Variants in GPC3 observed in about 807,000 individuals in gnomAD.
The protein encoded by GPC3 is glypican-3.
Under a neutral mutation model 34.4 loss-of-function variants are expected in GPC3, and 3 were observed. That is an observed-to-expected ratio of 0.09 (90% CI 0.04 to 0.23). GPC3 has a LOEUF of 0.23. Among genes scored for constraint, GPC3 ranks in the 10% least tolerant of loss-of-function variants. The pLI, the probability that GPC3 is intolerant of heterozygous loss-of-function variation, is 1.00. For synonymous variants in GPC3, 177 were observed against 174.0 expected (o/e 1.02, Z -0.13); for missense variants, 351 against 445.6 (o/e 0.79, Z 1.91).
rs759946484 is a variant in GPC3, at chrX:133,767,029, T to G, written c.338-12853A>C. ...TAACTTAGAAAACTTATACAGACAG[T>G]AAGTAGAACAGCCAAGATTTGAATA... On this transcript the variant is annotated intron_variant, in intron 2 of 7. Coordinates refer to ENST00000370818, the MANE Select transcript of GPC3 (RefSeq NM_004484.4). Among the ~76,000 whole-genome samples the G allele has an allele frequency of 2.7e-5, 3 of 112,529 alleles. No homozygotes were observed. The South Asian group carries it at 1.1e-3, about 42-fold the overall frequency.
rs369378252 is a variant in GPC3, at chrX:133,540,915, GGTGTGTGTGTGTGT to G, written c.1574-4636_1574-4623del. On this transcript the variant is annotated intron_variant, in intron 7 of 7. Transcript: ENST00000370818. ...GGAGCCACAGAATGGACATTGTTGT[GGTGTGTGTGTGTGT>G]GTGTGTGTGTGTGTGTGTGTGTGTG... Among the ~76,000 whole-genome samples, 88 of 91,707 alleles carry G rather than the reference GGTGTGTGTGTGTGT, an allele frequency of 9.6e-4. 1 individual carries two copies. Among genetic ancestry groups the G allele is most frequent in the South Asian group, 2.8e-3 (5 of 1,792 alleles). 79.6% of individuals were successfully genotyped at this position (91,707 alleles called of 115,157 possible).
At chrX:133,897,836 C>A (rs2076125501) in intron 2 of GPC3, among the ~76,000 whole-genome samples, 1 of 111,825 alleles carries the variant, frequency 8.9e-6, no homozygotes, top group Non-Finnish European at 1.9e-5. Flanking sequence ...GACATTGAAA[C>A]ACTAAGTGGT....
At chrX:133,847,968 G>T (rs1447092007) in intron 2 of GPC3, among the ~76,000 whole-genome samples, 1 of 112,221 alleles carries the variant, frequency 8.9e-6, no homozygotes, top group African/African-American at 3.2e-5. Context: ...GAAAACAGAA[G>T]CAGAGATTAA....
chrX:133,956,482 G>A (rs1442041800), intron 1 of GPC3, among the ~76,000 whole-genome samples: 1 of 111,852 alleles, frequency 8.9e-6, no homozygotes, highest in Non-Finnish European at 1.9e-5. Context: ...TGCTGGTTGG[G>A]ACACATATGT....
intron 7 of GPC3, among the ~76,000 whole-genome samples, chrX:133,579,860 A>C (rs1256704800): frequency 8.9e-6 from 1 of 112,330 alleles, no homozygotes; most frequent in Non-Finnish European, 1.9e-5. Context: ...AAGGTACAAA[A>C]GGGGAAACAA....
intron 7 of GPC3, among the ~76,000 whole-genome samples, chrX:133,536,993 G>A (rs767932336): frequency 8.9e-6 from 1 of 112,183 alleles, no homozygotes; most frequent in South Asian, 3.8e-4. Context: ...ATGGGTGTAA[G>A]GAGAGGCTAA....
rs183690851 is a variant in GPC3 at position 133,856,409 on chromosome X, A to T, written c.337+96641T>A. The stretch of plus-strand genomic sequence containing the variant: ...TTCATATACCTGTTGACCAAAATTT[A>T]AAAAAAAATAAAAACATTTAAAAGA... On this transcript the variant is annotated intron_variant, in intron 2 of 7. Transcript: ENST00000370818. 7.5e-3 allele frequency among the ~76,000 whole-genome samples: 801 copies of T among 106,293 alleles called. 5 individuals are homozygous for T. The highest frequency in any genetic ancestry group is 0.024 in the Middle Eastern group (5 of 207). 92.3% of individuals were successfully genotyped at this position (106,293 alleles called of 115,157 possible).
chrX:133,958,052 T>C (rs942012390), intron 1 of GPC3, among the ~76,000 whole-genome samples: 19 of 112,058 alleles, frequency 1.7e-4, no homozygotes, highest in African/African-American at 4.9e-4. Context: ...CCCATTTATA[T>C]TGAAGGATTA....
chrX:133,984,369 G>A (rs752174775), intron 1 of GPC3, among the ~76,000 whole-genome samples: 1 of 113,160 alleles, frequency 8.8e-6, no homozygotes, highest in East Asian at 2.8e-4. Flanking sequence ...CGGGCGTTAG[G>A]AGCCCAACCG....
At chrX:133,774,798 G>A (rs758485125) in intron 2 of GPC3, among the ~76,000 whole-genome samples, 41 of 111,438 alleles carry the variant, frequency 3.7e-4, no homozygotes, top group Admixed American at 9.5e-4. Flanking sequence ...GGGAGTGGTG[G>A]GCATGAGATA....
chrX:133,657,887 G>A (rs1158614877), intron 6 of GPC3, among the ~76,000 whole-genome samples: 2 of 97,557 alleles, frequency 2.1e-5, no homozygotes, highest in Admixed American at 1.1e-4. Flanking sequence ...GACGCACATG[G>A]GGCATACATG....
intron 1 of GPC3, among the ~76,000 whole-genome samples, chrX:133,961,872 A>G (rs2076443040): frequency 8.9e-6 from 1 of 111,794 alleles, no homozygotes. Context: ...GACAACTAAC[A>G]ACAGCCTCCA....
chrX:133,901,407 G>T (rs2076143311), intron 2 of GPC3, among the ~76,000 whole-genome samples: 1 of 109,986 alleles, frequency 9.1e-6, no homozygotes, highest in Non-Finnish European at 1.9e-5. Flanking sequence ...TTTTTAACTT[G>T]TCTCTGGATT....
chrX:133,868,117 C>T (rs936513802), intron 2 of GPC3, among the ~76,000 whole-genome samples: 2 of 111,882 alleles, frequency 1.8e-5, no homozygotes, highest in Admixed American at 9.5e-5. Context: ...TTTGCAAAAA[C>T]GCGGAAGGTC....
chrX:133,753,864 G>A lies in GPC3; in HGVS notation c.650C>T (p.Thr217Ile), dbSNP rs2124480389. The change falls in exon 3 of 8, where the codon ACC becomes ATC. Residue 217 changes from threonine (T) to isoleucine (I), a missense_variant. By Grantham distance (89) the Thr-to-Ile change is moderately conservative. Transcript: ENST00000370818. Reference sequence around the variant, plus strand: ...GACTTGCAGTGACTTGGAAACCTGGGTCATAATAAGCTTGGGGAAATTCCC... The same window carrying A: ...GACTTGCAGTGACTTGGAAACCTGGATCATAATAAGCTTGGGGAAATTCCC... ...VFGNFPKLIMTQVSKSLQVTR... is the reference protein window; with the variant it reads ...VFGNFPKLIMIQVSKSLQVTR... 2 of 1,211,474 alleles carry A rather than the reference G, an allele frequency of 1.7e-6. No individual in the cohort carries two copies. Among genetic ancestry groups the A allele is most frequent in the Non-Finnish European group, 2.2e-6 (2 of 895,249 alleles).
chrX:133,668,594 T>C (rs2070794149), intron 5 of GPC3, among the ~76,000 whole-genome samples: 1 of 110,722 alleles, frequency 9.0e-6, no homozygotes, highest in South Asian at 3.9e-4. Flanking sequence ...ATGGTACTTA[T>C]ACTAGCTGTC....
At chrX:133,676,138 G>A (rs2070882478) in intron 5 of GPC3, among the ~76,000 whole-genome samples, 2 of 112,240 alleles carry the variant, frequency 1.8e-5, no homozygotes, top group African/African-American at 3.2e-5. Flanking sequence ...GGGGGCTGCC[G>A]TGGTTGCTGG....
At chrX:133,612,644 C>A (rs970981808) in intron 6 of GPC3, among the ~76,000 whole-genome samples, 1 of 111,304 alleles carries the variant, frequency 9.0e-6, no homozygotes, top group Non-Finnish European at 1.9e-5. Flanking sequence ...TCAGGTCCTC[C>A]ACTCTGGCAA....
intron 2 of GPC3, among the ~76,000 whole-genome samples, chrX:133,761,405 C>T (rs2071789075): frequency 8.9e-6 from 1 of 111,959 alleles, no homozygotes; most frequent in South Asian, 3.7e-4. Flanking sequence ...AAATAAGTTG[C>T]TATTAAATAT....
Sources: allele counts gnomAD v4.1 joint callset (sites outside exome capture counted in the v4.1 genomes callset), GRCh38; gene constraint gnomAD v4.1.1; transcripts MANE v1.5; gene names NCBI Gene and HGNC (gene_info 2026-07-23, HGNC 2026-07-21).